Variants in AGAP1 observed in about 807,000 individuals in gnomAD.
The protein encoded by AGAP1 is ArfGAP with GTPase domain, ankyrin repeat and PH domain 1.
AGAP1 carries 29 observed loss-of-function variants against 105.3 expected under a neutral mutation model. That is an observed-to-expected ratio of 0.28 (90% CI 0.21 to 0.38). The LOEUF (loss-of-function observed/expected upper bound fraction) is 0.38. AGAP1 is among the 10% of genes least tolerant of loss of function. The pLI, the probability that AGAP1 is intolerant of heterozygous loss-of-function variation, is 1.00. For missense variants in AGAP1, 998 were observed against 1,165.1 expected (o/e 0.86, Z 2.09); for synonymous variants, 509 against 485.9 (o/e 1.05, Z -0.63).
chr2:235,802,911 G>GGTTGTGA (rs1342384445), intron 8 of AGAP1, among the ~76,000 whole-genome samples: 1 of 38,982 alleles, frequency 2.6e-5, no homozygotes, highest in Non-Finnish European at 5.6e-5. Context: ...TTGTGATGGT[G>GGTTGTGA]TGATGGTTGT....
chr2:235,710,805 G>A (rs1950817389), intron 2 of AGAP1, among the ~76,000 whole-genome samples: 1 of 152,282 alleles, frequency 6.6e-6, no homozygotes, highest in Non-Finnish European at 1.5e-5. Context: ...GACAGCCGCT[G>A]CCACTCGGGT....
At chr2:236,100,831 A>G (rs891325501) in intron 16 of AGAP1, among the ~76,000 whole-genome samples, 4 of 150,520 alleles carry the variant, frequency 2.7e-5, no homozygotes, top group Non-Finnish European at 5.9e-5. Context: ...TTCCCTCTCA[A>G]GAAAAAAAAA....
intron 1 of AGAP1, among the ~76,000 whole-genome samples, chr2:235,628,446 T>C (rs988697220): frequency 9.9e-5 from 15 of 152,092 alleles, no homozygotes; most frequent in Non-Finnish European, 2.2e-4. Flanking sequence ...GTTCTTTGCA[T>C]GGATTTCTGG....
intron 1 of AGAP1, among the ~76,000 whole-genome samples, chr2:235,628,825 T>C (rs1485136968): frequency 6.6e-6 from 1 of 151,958 alleles, no homozygotes; most frequent in Non-Finnish European, 1.5e-5. Flanking sequence ...CTTTTTTTGT[T>C]TGTTTGTTTG....
At chr2:236,008,972 T>C (rs2056417039) in intron 13 of AGAP1, among the ~76,000 whole-genome samples, 1 of 152,238 alleles carries the variant, frequency 6.6e-6, no homozygotes. Flanking sequence ...GGCAAAGTTA[T>C]TTTCCTTACT....
At position 235,981,573 on chromosome 2, in the gene AGAP1, A is replaced by G. The variant is rs554001694; in HGVS notation, c.1645+12950A>G. On this transcript the variant is annotated intron_variant, in intron 13 of 17. Coordinates refer to ENST00000304032, the MANE Select transcript of AGAP1 (RefSeq NM_001037131.3). The surrounding 1 kb of genome is among the most constrained non-coding windows in gnomAD (Gnocchi z 5.5). ...TCTTTCAAAGAGGAAATCAATCACG[A>G]AACAGAAACTCAGAGTTGACAATCT... 6.6e-6 allele frequency among the ~76,000 whole-genome samples: 1 copy of G among 152,340 alleles called. No homozygotes were observed. Among genetic ancestry groups the G allele is most frequent in the East Asian group, 1.9e-4 (1 of 5,190 alleles).
chr2:235,715,408 G>A, intron 2 of AGAP1, among the ~76,000 whole-genome samples: 1 of 152,144 alleles, frequency 6.6e-6, no homozygotes, highest in African/African-American at 2.4e-5. Flanking sequence ...AGGCTGTCTG[G>A]GGGTGAGGGG....
At chr2:235,677,435 T>C (rs925772550) in intron 1 of AGAP1, among the ~76,000 whole-genome samples, 1 of 152,142 alleles carries the variant, frequency 6.6e-6, no homozygotes, top group Non-Finnish European at 1.5e-5. Flanking sequence ...TGCATTTTGG[T>C]CTGTGGGAGT....
In AGAP1 at chr2:235,900,263, A is replaced by C. The variant is rs58398486; in HGVS notation, c.1156-8475A>C. The stretch of plus-strand genomic sequence containing the variant: ...CATGATGGAGTAGTAGACTGATTTC[A>C]TCTTGATAGTCTGGGTCAGTCACTC... On this transcript the variant is annotated intron_variant, in intron 10 of 17. Coordinates refer to ENST00000304032, the MANE Select transcript of AGAP1 (RefSeq NM_001037131.3). This position sits in a 1 kb window ranked among gnomAD's most constrained non-coding sequence, Gnocchi z 5.5. Among the ~76,000 whole-genome samples the C allele has an allele frequency of 4.6e-5, 7 of 152,192 alleles. No individual in the cohort carries two copies. Among genetic ancestry groups the C allele is most frequent in the Admixed American group, 2.0e-4 (3 of 15,278 alleles).
chr2:235,567,298 C>A (rs888079332), intron 1 of AGAP1, among the ~76,000 whole-genome samples: 3 of 152,210 alleles, frequency 2.0e-5, no homozygotes, highest in African/African-American at 7.2e-5. Flanking sequence ...AAAGGCGGAG[C>A]GGTGTTTGTT....
intron 12 of AGAP1, among the ~76,000 whole-genome samples, chr2:235,952,221 C>A (rs148750963): frequency 6.6e-6 from 1 of 152,036 alleles, no homozygotes; most frequent in Non-Finnish European, 1.5e-5. Flanking sequence ...AGAGGTGAAC[C>A]GCAGCCTCAG....
chr2:235,506,668 G>T (rs1941826641), intron 1 of AGAP1, among the ~76,000 whole-genome samples: 1 of 152,166 alleles, frequency 6.6e-6, no homozygotes, highest in South Asian at 2.1e-4. Flanking sequence ...GAACATTCTT[G>T]GTTAGGAGCC....
chr2:235,670,720 G>A, intron 1 of AGAP1: 1 of 814,728 alleles, frequency 1.2e-6, no homozygotes, highest in South Asian at 1.5e-5. Flanking sequence ...CCTCGGAGAA[G>A]CGCAACACCC....
chr2:235,702,934 G>GTTTTTTTTTTTTTTTTTTTTTTT (rs549844265), intron 1 of AGAP1, among the ~76,000 whole-genome samples: 3,041 of 88,694 alleles, frequency 0.034, 751 homozygotes, highest in East Asian at 0.07. Context: ...AGTTTTCTTG[G>GTTTTTTTTTTTTTTTTTTTTTTT]TTTTTTTTTT....
rs540398469 is a variant in AGAP1 at position 235,934,412 on chromosome 2, G to A, written c.1483+3489G>A. 5.3e-5 allele frequency among the ~76,000 whole-genome samples: 8 copies of A among 152,252 alleles called. No individual in the cohort carries two copies. Among genetic ancestry groups the A allele is most frequent in the South Asian group, 4.2e-4 (2 of 4,818 alleles). ...CTGTCTGCGCCGAGGGTACCATCCC[G>A]GCGTCCCTCTGGTTCGCGTCATTCC... On this transcript the variant is annotated intron_variant, in intron 12 of 17. Transcript: ENST00000304032. This position sits in a 1 kb window ranked among gnomAD's most constrained non-coding sequence, Gnocchi z 4.9.
intron 6 of AGAP1, among the ~76,000 whole-genome samples, chr2:235,760,703 A>G (rs981824630): frequency 3.3e-5 from 5 of 152,140 alleles, no homozygotes; most frequent in African/African-American, 9.7e-5. Flanking sequence ...CTCCTACCTC[A>G]GTCTCCTGAG....
At chr2:235,765,409 C>A (rs1954862822) in intron 6 of AGAP1, among the ~76,000 whole-genome samples, 1 of 152,086 alleles carries the variant, frequency 6.6e-6, no homozygotes, top group Non-Finnish European at 1.5e-5. Flanking sequence ...ACAGGCCCGG[C>A]CCCTCCAGTG....
In AGAP1 at chr2:235,864,960, T is replaced by C. The variant is rs1392975373; in HGVS notation, c.1051-18385T>C. On this transcript the variant is annotated intron_variant, in intron 9 of 17. Coordinates refer to ENST00000304032, the MANE Select transcript of AGAP1 (RefSeq NM_001037131.3). The surrounding 1 kb of genome is among the most constrained non-coding windows in gnomAD (Gnocchi z 5.0). Reference sequence around the variant, plus strand: ...TCGTCGGCATTACTCATCGTCAACATGGGTTTTTAAAAGGGAAGGAGAGAA... The same window carrying C: ...TCGTCGGCATTACTCATCGTCAACACGGGTTTTTAAAAGGGAAGGAGAGAA... Among the ~76,000 whole-genome samples the C allele has an allele frequency of 6.6e-6, 1 of 152,140 alleles. No individual in the cohort carries two copies. The highest frequency in any genetic ancestry group is 2.4e-5 in the African/African-American group (1 of 41,436).
chr2:235,885,666 C>G (rs1163354722), intron 10 of AGAP1, among the ~76,000 whole-genome samples: 1 of 152,196 alleles, frequency 6.6e-6, no homozygotes, highest in Admixed American at 6.5e-5. Context: ...ACATGGGAAC[C>G]TTGATGCTGA....
Sources: gnomAD v4.1 joint callset for allele counts (sites outside exome capture counted in the v4.1 genomes callset) on GRCh38, gnomAD v4.1.1 for gene constraint, Gnocchi (gnomAD v3.1) non-coding constraint, MANE v1.5 for transcripts, NCBI Gene and HGNC (gene_info 2026-07-23, HGNC 2026-07-21) for gene names.